Variants in SHISA6 observed in about 807,000 individuals in gnomAD.
SHISA6 encodes the protein shisa family member 6, also known as protein shisa-6.
A neutral mutation model predicts 47.9 loss-of-function variants in SHISA6; 22 were observed. The ratio of observed to expected loss-of-function variants is 0.46; its 90% CI spans 0.33 to 0.66. The LOEUF is 0.66. Among genes scored for constraint, SHISA6 ranks in the 30% least tolerant of loss-of-function variants. The pLI is 0.02. For synonymous variants in SHISA6, 388 were observed against 337.8 expected (o/e 1.15, Z -1.63); for missense variants, 680 against 764.6 (o/e 0.89, Z 1.30).
At chr17:11,524,930 T>A (rs9908475) in intron 3 of SHISA6, among the ~76,000 whole-genome samples, 1 of 152,170 alleles carries the variant, frequency 6.6e-6, no homozygotes, top group Admixed American at 6.5e-5. Context: ...TTTAGAAAAG[T>A]AATTCCTACA....
At chr17:11,312,911 T>C (rs1056409525) in intron 2 of SHISA6, among the ~76,000 whole-genome samples, 2 of 152,230 alleles carry the variant, frequency 1.3e-5, no homozygotes, top group Admixed American at 1.3e-4. Context: ...CCATTTTTTC[T>C]TTTTATAGGT....
intron 3 of SHISA6, among the ~76,000 whole-genome samples, chr17:11,381,050 A>G (rs1392391667): frequency 6.6e-6 from 1 of 152,146 alleles, no homozygotes; most frequent in Non-Finnish European, 1.5e-5. Context: ...TGGGAACTAC[A>G]CTGAGTTATG....
At chr17:11,275,518 C>T (rs1349319259) in intron 2 of SHISA6, among the ~76,000 whole-genome samples, 1 of 152,190 alleles carries the variant, frequency 6.6e-6, no homozygotes, top group Non-Finnish European at 1.5e-5. Flanking sequence ...TCCCTAGTCT[C>T]ATGGTGTTTA....
At position 11,311,232 on chromosome 17, in the gene SHISA6, A is replaced by C. The variant is rs368652173; in HGVS notation, c.799+47706A>C. ...GGAAGGCAGAGGTTGCAGTGAGCCA[A>C]TATCGCACCACTGCACTCTAGCCTG... On this transcript the variant is annotated intron_variant, in intron 2 of 5. Coordinates refer to ENST00000441885, the MANE Select transcript of SHISA6 (RefSeq NM_207386.4). Among the ~76,000 whole-genome samples the C allele has an allele frequency of 3.4e-4, 51 of 149,782 alleles. 1 individual carries two copies. The East Asian group carries it at 9.5e-3, about 28-fold the overall frequency.
intron 1 of SHISA6, among the ~76,000 whole-genome samples, chr17:11,262,361 C>T (rs182699119): frequency 3.9e-5 from 6 of 152,242 alleles, no homozygotes; most frequent in East Asian, 3.9e-4. Context: ...ATGTGCAAAA[C>T]GGGAGTGCAT....
At chr17:11,408,685 C>G (rs1914030744) in intron 3 of SHISA6, among the ~76,000 whole-genome samples, 1 of 152,128 alleles carries the variant, frequency 6.6e-6, no homozygotes, top group South Asian at 2.1e-4. Flanking sequence ...ATTGCCAACT[C>G]CAGAAAAATG....
intron 3 of SHISA6, among the ~76,000 whole-genome samples, chr17:11,464,088 T>A (rs956634774): frequency 6.6e-6 from 1 of 152,076 alleles, no homozygotes; most frequent in African/African-American, 2.4e-5. Flanking sequence ...GGCTAATTTT[T>A]AAATTTTTTT....
At chr17:11,261,592 T>C (rs972486493) in intron 1 of SHISA6, among the ~76,000 whole-genome samples, 1 of 152,272 alleles carries the variant, frequency 6.6e-6, no homozygotes, top group African/African-American at 2.4e-5. Context: ...CTTCTTTCAC[T>C]TAGCATGATG....
chr17:11,557,828 C>T lies in SHISA6; in HGVS notation c.1180C>T (p.Leu394Phe), dbSNP rs753615729. The T allele has an allele frequency of 5.8e-6, 9 of 1,551,302 alleles. No individual in the cohort carries two copies. The highest frequency in any genetic ancestry group is 4.9e-5 in the East Asian group (2 of 40,914). The change falls in exon 6 of 6, where the codon CTC (leucine) becomes TTC (phenylalanine). Residue 394 changes from leucine (L) to phenylalanine (F), a missense_variant. Physicochemically the swap from Leu to Phe is conservative, Grantham distance 22. Transcript: ENST00000441885. ...PDLAARGTLPLNVIQMSQQKP... is the reference protein window; with the variant it reads ...PDLAARGTLPFNVIQMSQQKP... ...CCTGGCTGCCCGCGGCACCCTCCCC[C>T]TCAATGTCATCCAGATGTCCCAACA...
chr17:11,345,481 C>T (rs1440772156), intron 2 of SHISA6, among the ~76,000 whole-genome samples: 6 of 152,108 alleles, frequency 3.9e-5, no homozygotes, highest in African/African-American at 1.4e-4. Context: ...TGCCTTATCA[C>T]ATGCATTTCA....
At chr17:11,357,955 T>A (rs1452209138) in intron 2 of SHISA6, among the ~76,000 whole-genome samples, 1 of 152,190 alleles carries the variant, frequency 6.6e-6, no homozygotes, top group East Asian at 1.9e-4. Context: ...TGTCTTCCCC[T>A]AAGGAAGTTC....
At chr17:11,279,439 C>G (rs1909044572) in intron 2 of SHISA6, among the ~76,000 whole-genome samples, 1 of 152,112 alleles carries the variant, frequency 6.6e-6, no homozygotes, top group Non-Finnish European at 1.5e-5. Context: ...TATTAGGGAG[C>G]TAGGATCAGT....
intron 2 of SHISA6, chr17:11,290,277 G>A (rs374337311): frequency 4.0e-5 from 6 of 151,682 alleles, no homozygotes; most frequent in African/African-American, 9.7e-5. Flanking sequence ...GCACTTAAGA[G>A]TATCTTCACA....
intron 2 of SHISA6, among the ~76,000 whole-genome samples, chr17:11,375,702 C>T (rs1912776331): frequency 6.6e-6 from 1 of 152,124 alleles, no homozygotes; most frequent in South Asian, 2.1e-4. Context: ...GGACAGTTGT[C>T]CGTTGGTGCT....
At chr17:11,295,479 A>G (rs1267037828) in intron 2 of SHISA6, among the ~76,000 whole-genome samples, 1 of 152,242 alleles carries the variant, frequency 6.6e-6, no homozygotes, top group Admixed American at 6.5e-5. Context: ...CCAAATTAAT[A>G]CAAATTATTG....
intron 2 of SHISA6, among the ~76,000 whole-genome samples, chr17:11,354,080 A>G (rs1911994732): frequency 1.3e-5 from 2 of 152,172 alleles, no homozygotes. Flanking sequence ...CACCCAGGGC[A>G]TCATCCACCC....
intron 2 of SHISA6, among the ~76,000 whole-genome samples, chr17:11,335,432 A>T (rs1451918088): frequency 6.6e-6 from 1 of 152,162 alleles, no homozygotes. Flanking sequence ...GCTATAGGTG[A>T]TCTCAAGGCC....
At chr17:11,321,502 T>A (rs1259212529) in intron 2 of SHISA6, among the ~76,000 whole-genome samples, 2 of 152,256 alleles carry the variant, frequency 1.3e-5, no homozygotes, top group African/African-American at 4.8e-5. Flanking sequence ...TATGACTTTA[T>A]TTTTAAAAAG....
chr17:11,318,407 A>T (rs974794877), intron 2 of SHISA6, among the ~76,000 whole-genome samples: 1 of 152,170 alleles, frequency 6.6e-6, no homozygotes, highest in Non-Finnish European at 1.5e-5. Context: ...GTCCTGTGCC[A>T]AGCCACAGGG....
Sources: gnomAD v4.1 joint callset for allele counts (sites outside exome capture counted in the v4.1 genomes callset) on GRCh38, gnomAD v4.1.1 for gene constraint, MANE v1.5 for transcripts, NCBI Gene and HGNC (gene_info 2026-07-23, HGNC 2026-07-21) for gene names.